The following C2CD3 variants were observed in gnomAD, a reference collection of about 807,000 sequenced individuals.
C2CD3 encodes the protein C2 domain-containing protein 3.
In C2CD3, 148 loss-of-function variants were observed where a neutral mutation model predicts 234.0. The observed-to-expected ratio is 0.63, with a 90% CI of 0.55 to 0.72. The LOEUF is 0.72. Among genes scored for constraint, C2CD3 ranks in the 30% least tolerant of loss-of-function variants. C2CD3 has a pLI of 0.00. For missense variants in C2CD3, 2,577 were observed against 2,811.5 expected (o/e 0.92, Z 1.89); for synonymous variants, 1,000 against 1,035.4 (o/e 0.97, Z 0.66).
At position 74,166,098 on chromosome 11, in the gene C2CD3, C is replaced by G. The variant is rs186080680; in HGVS notation, c.325+2246G>C. On this transcript the variant is annotated intron_variant, in intron 2 of 32. Coordinates refer to ENST00000334126, the MANE Select transcript of C2CD3 (RefSeq NM_001286577.2). The stretch of plus-strand genomic sequence containing the variant: ...GGCTGAGGCGAGCAGATCGTGAGAT[C>G]AGGAGATTGAGACCATCCTGGCTAA... 2.2e-3 allele frequency among the ~76,000 whole-genome samples: 333 copies of G among 152,126 alleles called. 1 individual carries two copies. The highest frequency in any genetic ancestry group is 3.4e-3 in the Non-Finnish European group (232 of 68,006).
intron 32 of C2CD3, among the ~76,000 whole-genome samples, chr11:74,021,715 T>A (rs964974454): frequency 7.2e-5 from 11 of 152,208 alleles, no homozygotes; most frequent in Non-Finnish European, 1.6e-4. Context: ...TTAAAGAGTG[T>A]TCCCCCTGCC....
chr11:74,097,903 T>G (rs1300192183), intron 16 of C2CD3, 106 bp downstream of exon 16: 1 of 1,137,972 alleles, frequency 8.8e-7, no homozygotes, highest in African/African-American at 1.6e-5. Flanking sequence ...TTATGTTCTT[T>G]TGTTGAGCCT....
At position 74,078,372 on chromosome 11, in the gene C2CD3, G is replaced by A. The variant is rs1955169071; in HGVS notation, c.4346C>T (p.Thr1449Ile). 14 of 1,614,036 alleles carry A rather than the reference G, an allele frequency of 8.7e-6. No individual in the cohort carries two copies. The highest frequency in any genetic ancestry group is 2.7e-5 in the African/African-American group (2 of 74,898). ...AGATTCCTTAGGCTTCTTGAGAGGG[G>A]TCCAAAAGGCTTCATGATCATAGAA... The part of the protein sequence containing the change: ...YKFYDHEAFW[T>I]PLKKPKESVN... The change falls in exon 23 of 33, where the codon ACC becomes ATC. Residue 1449 changes from threonine (T) to isoleucine (I), a missense_variant. By Grantham distance (89) the Thr-to-Ile change is moderately conservative (BLOSUM62 -1). Coordinates refer to ENST00000334126, the MANE Select transcript of C2CD3 (RefSeq NM_001286577.2).
chr11:74,025,251 A>G (rs1952243069), intron 32 of C2CD3, among the ~76,000 whole-genome samples: 1 of 152,114 alleles, frequency 6.6e-6, no homozygotes, highest in South Asian at 2.1e-4. Flanking sequence ...CCATAAGTCA[A>G]ATGTCATGAT....
intron 3 of C2CD3, among the ~76,000 whole-genome samples, chr11:74,143,937 CTTGAGTGAGTTTTGGTAGT>C (rs1399235661): frequency 6.6e-6 from 1 of 151,978 alleles, no homozygotes; most frequent in Non-Finnish European, 1.5e-5. Flanking sequence ...TCTATTTGAT[CTTGAGTGAGTTTTGGTAGT>C]TTACAGTTTT....
intron 31 of C2CD3, among the ~76,000 whole-genome samples, chr11:74,028,873 G>T (rs987393726): frequency 1.3e-5 from 2 of 152,216 alleles, no homozygotes; most frequent in African/African-American, 4.8e-5. Flanking sequence ...AGACCTATTA[G>T]AAGTCAGTCA....
At chr11:74,097,982 C>A in intron 16 of C2CD3, 27 bp downstream of exon 16, 1 of 1,591,930 alleles carries the variant, frequency 6.3e-7, no homozygotes, top group South Asian at 1.1e-5. Context: ...GAAATAATGA[C>A]TTTTTGTAAA....
At chr11:74,109,925 A>C (rs565532873) in intron 11 of C2CD3, among the ~76,000 whole-genome samples, 59 of 151,948 alleles carry the variant, frequency 3.9e-4, no homozygotes, top group East Asian at 1.4e-3. Flanking sequence ...ACAACAACAA[A>C]AAAAAATTAG....
intron 7 of C2CD3, among the ~76,000 whole-genome samples, chr11:74,125,147 T>C (rs1387390213): frequency 6.6e-6 from 1 of 152,208 alleles, no homozygotes; most frequent in African/African-American, 2.4e-5. Flanking sequence ...TCTTCTGGTA[T>C]TTACCTTCAT....
rs1194063838 is a variant in C2CD3, at chr11:74,037,573, T to C, written c.5786A>G (p.His1929Arg). 1.9e-6 allele frequency: 3 copies of C among 1,614,148 alleles called. No individual in the cohort carries two copies. In the South Asian group the frequency reaches 3.3e-5, roughly 18 times the overall value. Residue 1929 changes from histidine to arginine, a missense_variant, in exon 30 of 33, where the codon CAT (histidine) becomes CGT (arginine). Transcript: ENST00000334126. ...ISQHQESCRD[H>R]LGPGASSLDP... The stretch of plus-strand genomic sequence containing the variant: ...TAGGCTGCTGGCACCTGGCCCAAGA[T>C]GGTCCCTACAGCTCTCCTGGTGCTG...
intron 28 of C2CD3, among the ~76,000 whole-genome samples, chr11:74,045,559 A>G (rs1953324905): frequency 7.6e-6 from 1 of 132,234 alleles, no homozygotes; most frequent in African/African-American, 3.3e-5. Context: ...GACCTTTTTC[A>G]ATTTTCTTTT....
At chr11:74,161,813 CTTTTT>C (rs927069098) in intron 2 of C2CD3, among the ~76,000 whole-genome samples, 2 of 131,894 alleles carry the variant, frequency 1.5e-5, no homozygotes, top group Non-Finnish European at 3.3e-5. Flanking sequence ...TGAAGTTCTA[CTTTTT>C]TTTTTTTTTT....
intron 30 of C2CD3, 22 bp downstream of exon 30, chr11:74,037,456 C>T (rs970512120): frequency 6.3e-7 from 1 of 1,586,404 alleles, no homozygotes; most frequent in Non-Finnish European, 8.7e-7. Context: ...AACATCTCAA[C>T]AAGAAAGGAT....
chr11:74,098,586 T>C (rs1956199547), intron 15 of C2CD3, among the ~76,000 whole-genome samples: 1 of 152,208 alleles, frequency 6.6e-6, no homozygotes, highest in African/African-American at 2.4e-5. Flanking sequence ...TGTGGTCTAC[T>C]AGGAAGAATG....
In C2CD3 at chr11:74,100,603, T is replaced by C; in HGVS notation, c.2654A>G (p.Asn885Ser). 1 of 1,614,148 alleles carries C rather than the reference T, an allele frequency of 6.2e-7. No homozygotes were observed. ...GTCCTGTCCTGGGCTCCGCACCTTA[T>C]TCCAAGTTTCAATTACCATCACATT... ...KNNVMVIETW[N>S]KVRSPGQDKL... is the part of the protein sequence containing the mutation. The change falls in exon 15 of 33, where the codon AAT becomes AGT. Residue 885 changes from asparagine to serine, a missense_variant. Physicochemically the swap from Asn to Ser is conservative, Grantham distance 46. Coordinates refer to ENST00000334126, the MANE Select transcript of C2CD3 (RefSeq NM_001286577.2).
intron 7 of C2CD3, among the ~76,000 whole-genome samples, chr11:74,124,646 A>G (rs1163670317): frequency 6.6e-6 from 1 of 152,184 alleles, no homozygotes; most frequent in Non-Finnish European, 1.5e-5. Flanking sequence ...AACTGCCATA[A>G]TCCAACTAAC....
chr11:74,113,553 G>T (rs1040499212), intron 11 of C2CD3: 2 of 488,446 alleles, frequency 4.1e-6, no homozygotes, highest in African/African-American at 4.0e-5. Flanking sequence ...GGTGGCATAC[G>T]CCTGTAATCC....
chr11:74,084,267 G>A (rs1192261216), intron 22 of C2CD3, among the ~76,000 whole-genome samples: 1 of 151,978 alleles, frequency 6.6e-6, no homozygotes, highest in Non-Finnish European at 1.5e-5. Flanking sequence ...CACACGGCGG[G>A]GAACATTACA....
chr11:74,071,799 A>G (rs1250629798), intron 24 of C2CD3, among the ~76,000 whole-genome samples: 1 of 152,240 alleles, frequency 6.6e-6, no homozygotes, highest in Non-Finnish European at 1.5e-5. Context: ...TACCTAACCC[A>G]TAATTAATGT....
Sources: allele counts gnomAD v4.1 joint callset (sites outside exome capture counted in the v4.1 genomes callset), GRCh38; gene constraint gnomAD v4.1.1; transcripts MANE v1.5; gene names NCBI Gene and HGNC (gene_info 2026-07-23, HGNC 2026-07-21).